HPS3: variants seen among roughly 807,000 people sequenced by gnomAD.
HPS3 encodes the protein BLOC-2 complex member HPS3.
HPS3 carries 79 observed loss-of-function variants against 110.9 expected under a neutral mutation model. That is an observed-to-expected ratio of 0.71 (90% confidence interval 0.59 to 0.86). The LOEUF (loss-of-function observed/expected upper bound fraction) is 0.86, where lower values mean the gene tolerates loss of function less well. HPS3 is among the 40% of genes least tolerant of loss of function. The pLI is 0.00. For missense variants in HPS3, 1,197 were observed against 1,206.2 expected (o/e 0.99, Z 0.11); for synonymous variants, 428 against 451.0 (o/e 0.95, Z 0.65).
At chr3:149,133,299 A>G (rs751400736) in intron 1 of HPS3, among the ~76,000 whole-genome samples, 1 of 151,420 alleles carries the variant, frequency 6.6e-6, no homozygotes, top group Non-Finnish European at 1.5e-5. Context: ...ATTTTATTTT[A>G]TTTTATTTTA....
At chr3:149,131,122 T>TAA (rs57667789) in intron 1 of HPS3, among the ~76,000 whole-genome samples, 2,506 of 138,502 alleles carry the variant, frequency 0.018, 49 homozygotes, top group African/African-American at 0.048. Context: ...GAGTTTATGT[T>TAA]AAAAAAAAAA....
Position 149,145,551 on chromosome 3 carries a change from T to G in HPS3, c.1163+5T>G. On this transcript the variant is annotated splice_donor_5th_base_variant and intron_variant, in intron 5 of 16. Transcript: ENST00000296051. The stretch of plus-strand genomic sequence containing the variant: ...ATTTTTGCACGTCATTACAAGGTAC[T>G]GTTAGAGGGTCACTTGCTGGCCTGT... The G allele has an allele frequency of 1.2e-6, 2 of 1,611,724 alleles. No homozygotes were observed. The highest frequency in any genetic ancestry group is 1.1e-5 in the South Asian group (1 of 91,026).
chr3:149,131,274 T>G (rs1721757416), intron 1 of HPS3, among the ~76,000 whole-genome samples: 1 of 151,884 alleles, frequency 6.6e-6, no homozygotes, highest in African/African-American at 2.4e-5. Flanking sequence ...GCATACCTTG[T>G]TTTTTTTGCA....
intron 4 of HPS3, among the ~76,000 whole-genome samples, chr3:149,144,796 A>G (rs1047511403): frequency 1.1e-4 from 16 of 152,252 alleles, no homozygotes; most frequent in African/African-American, 3.9e-4. Context: ...GAGATATGGC[A>G]TAAGTATAAA....
At chr3:149,161,669 T>C (rs530609875) in intron 11 of HPS3, among the ~76,000 whole-genome samples, 103 of 152,008 alleles carry the variant, frequency 6.8e-4, no homozygotes, top group African/African-American at 2.2e-3. Flanking sequence ...ACCACCATGC[T>C]TGGCTAATTT....
chr3:149,159,957 G>A (rs1723685260), intron 10 of HPS3, 89 bp from the exon 11 acceptor site: 1 of 890,554 alleles, frequency 1.1e-6, no homozygotes. Flanking sequence ...TTTGTGTCTT[G>A]GCTTTTTGCA....
Position 149,129,859 on chromosome 3 carries a change from G to T in HPS3, c.136G>T (p.Val46Leu), listed in dbSNP as rs34757609. The change falls in exon 1 of 17, where the codon GTG (valine) becomes TTG (leucine). Residue 46 changes from valine to leucine, a missense_variant. Coordinates refer to ENST00000296051, the MANE Select transcript of HPS3 (RefSeq NM_032383.5). ...GGGCTGCAAGGTGGAGGCGTTCGCG[G>T]TGGCCGGCCAGGAGCTGTGCCAGCC... is the stretch of plus-strand genomic sequence containing the variant. ...AAGCKVEAFA[V>L]AGQELCQPRC... 6.2e-7 allele frequency: 1 copy of T among 1,600,360 alleles called. No individual in the cohort carries two copies.
intron 5 of HPS3, among the ~76,000 whole-genome samples, 163 bp downstream of exon 5, chr3:149,145,709 T>G (rs776883707): frequency 6.6e-6 from 1 of 152,218 alleles, no homozygotes; most frequent in Non-Finnish European, 1.5e-5. Context: ...ACCTGCCTTT[T>G]CAATGTCAAA....
At chr3:149,166,514 A>T (rs1490578665) in intron 14 of HPS3, among the ~76,000 whole-genome samples, 1 of 152,082 alleles carries the variant, frequency 6.6e-6, no homozygotes, top group African/African-American at 2.4e-5. Context: ...TTGTATTGAA[A>T]TTTTTTTACT....
Position 149,167,886 on chromosome 3 carries a change from A to G in HPS3, c.2797-7A>G. 1 of 1,544,704 alleles carries G rather than the reference A, an allele frequency of 6.5e-7. No individual in the cohort carries two copies. The highest frequency in any genetic ancestry group is 9.0e-7 in the Non-Finnish European group (1 of 1,116,840). On this transcript the variant is annotated splice_polypyrimidine_tract_variant and splice_region_variant and intron_variant, in intron 15 of 16. Coordinates refer to ENST00000296051, the MANE Select transcript of HPS3 (RefSeq NM_032383.5). ...AACTAAAATTTATTCATTTTTTCCT[A>G]AGATAGACTCTGTGGTGGAAAAAAC...
At chr3:149,162,625 C>T in intron 12 of HPS3, 65 bp from the exon 13 acceptor site, 1 of 1,501,692 alleles carries the variant, frequency 6.7e-7, no homozygotes, top group African/African-American at 1.4e-5. Context: ...GATATTCAGC[C>T]CAGCTGTCGC....
intron 5 of HPS3, among the ~76,000 whole-genome samples, chr3:149,148,853 A>T (rs1297345292): frequency 6.6e-6 from 1 of 151,956 alleles, no homozygotes; most frequent in Non-Finnish European, 1.5e-5. Context: ...AGCACATTTC[A>T]GTTTATTCTT....
intron 16 of HPS3, chr3:149,168,363 A>G (rs1724636959): frequency 4.8e-6 from 1 of 209,564 alleles, no homozygotes; most frequent in South Asian, 7.7e-5. Context: ...ATTATAAGCA[A>G]GTATTGATGA....
intron 7 of HPS3, chr3:149,154,047 AATT>A (rs1233442282): frequency 9.4e-6 from 2 of 212,118 alleles, no homozygotes; most frequent in Non-Finnish European, 9.5e-6. Flanking sequence ...TTATGAAAGA[AATT>A]AATAATGTAT....
At chr3:149,140,530 T>C in intron 2 of HPS3, 32 bp downstream of exon 2, 2 of 1,613,094 alleles carry the variant, frequency 1.2e-6, no homozygotes, top group Non-Finnish European at 1.7e-6. Context: ...CTTTCTTGTT[T>C]TAGGAATATA....
At chr3:149,147,074 G>A (rs553711463) in intron 5 of HPS3, among the ~76,000 whole-genome samples, 12 of 152,136 alleles carry the variant, frequency 7.9e-5, no homozygotes, top group African/African-American at 2.9e-4. Flanking sequence ...CATGGGAGAG[G>A]CTTCAGTGGG....
rs74408295 is a variant in HPS3, at chr3:149,145,311, T to C, written c.971-43T>C. The C allele has an allele frequency of 0.061, 86,167 of 1,419,760 alleles. 3,214 individuals carry two copies. The highest frequency in any genetic ancestry group is 0.13 in the South Asian group (11,364 of 86,514). The allele number at this position is 1,419,760 out of a possible 1,614,324, so 87.9% of individuals were successfully genotyped here. ...ATATATGATTATTTCCCCCTTTATT[T>C]ACTGGTTTCATGGTGTTTTATTTCT... On this transcript the variant is annotated intron_variant, in intron 4 of 16. Transcript: ENST00000296051.
chr3:149,163,887 G>C lies in HPS3; in HGVS notation c.2527G>C (p.Val843Leu). The change falls in exon 14 of 17, where the codon GTC (valine) becomes CTC (leucine). Residue 843 changes from valine to leucine, a missense_variant. Coordinates refer to ENST00000296051, the MANE Select transcript of HPS3 (RefSeq NM_032383.5). ...HYGLIYPWVH[V>L]VISSDSLADK... ...TGGCTTAATTTATCCATGGGTTCAC[G>C]TCGTAATATCATCTGATTCTTTAGC... 6.3e-7 allele frequency: 1 copy of C among 1,586,216 alleles called. No individual in the cohort carries two copies. The highest frequency in any genetic ancestry group is 1.1e-5 in the South Asian group (1 of 90,430).
At chr3:149,133,359 G>C (rs1420200052) in intron 1 of HPS3, among the ~76,000 whole-genome samples, 1 of 151,976 alleles carries the variant, frequency 6.6e-6, no homozygotes, top group Admixed American at 6.6e-5. Context: ...GAGTGCAGTG[G>C]CGTGAACTCG....
Sources: allele counts gnomAD v4.1 joint callset (sites outside exome capture counted in the v4.1 genomes callset), GRCh38; gene constraint gnomAD v4.1.1; transcripts MANE v1.5; gene names NCBI Gene and HGNC (gene_info 2026-07-23, HGNC 2026-07-21).